The following COL28A1 variants were observed in gnomAD, a reference collection of about 807,000 sequenced individuals.
COL28A1 encodes the protein collagen type XXVIII alpha 1 chain.
In COL28A1, 161 loss-of-function variants were observed where a neutral mutation model predicts 150.2. That is an observed-to-expected ratio of 1.07 (90% CI 0.94 to 1.22). COL28A1 has a LOEUF of 1.22. COL28A1 is among the 50% of genes most tolerant of loss of function. The pLI is 0.00. For synonymous variants in COL28A1, 552 were observed against 469.7 expected, an observed-to-expected ratio of 1.18 and a Z score of -2.26; for missense variants, 1,617 against 1,388.3, an observed-to-expected ratio of 1.16 and a Z score of -2.62.
At chr7:7,483,630 G>C (rs17168170) in intron 13 of COL28A1, among the ~76,000 whole-genome samples, 5,796 of 152,004 alleles carry the variant, frequency 0.038, 405 homozygotes, top group African/African-American at 0.13. Context: ...CACAATTAAA[G>C]CCCAGCTGAA....
intron 27 of COL28A1, among the ~76,000 whole-genome samples, chr7:7,384,407 C>G (rs1298879836): frequency 6.6e-6 from 1 of 152,172 alleles, no homozygotes; most frequent in Non-Finnish European, 1.5e-5. Flanking sequence ...TTTATCTGTA[C>G]TTTCATTTCC....
intron 4 of COL28A1, among the ~76,000 whole-genome samples, chr7:7,523,170 T>C (rs536288831): frequency 1.2e-3 from 32 of 26,978 alleles, no homozygotes; most frequent in South Asian, 1.9e-3. Context: ...CTTTTCTTTT[T>C]TTTTTTTTAA....
intron 17 of COL28A1, among the ~76,000 whole-genome samples, chr7:7,452,836 T>C (rs1323782159): frequency 6.6e-6 from 1 of 152,168 alleles, no homozygotes; most frequent in Non-Finnish European, 1.5e-5. Context: ...ATTGAGCAGC[T>C]TCTCACACGG....
intron 33 of COL28A1, among the ~76,000 whole-genome samples, chr7:7,368,622 T>C (rs1314436681): frequency 6.6e-6 from 1 of 152,168 alleles, no homozygotes; most frequent in Non-Finnish European, 1.5e-5. Context: ...CCTTTATGAA[T>C]GGGATCAATA....
rs1436673855 is a variant in COL28A1, at chr7:7,373,765, C to A, written c.2360-219G>T. On this transcript the variant is annotated intron_variant, in intron 31 of 34. Transcript: ENST00000399429. This position sits in a 1 kb window ranked among gnomAD's most constrained non-coding sequence, Gnocchi z 4.1. ...CCAGGTTGGAGTGCAGTGGCGCGAT[C>A]TCGGCTCACTGCAGGCTCCGTCCCC... 6.6e-6 allele frequency among the ~76,000 whole-genome samples: 1 copy of A among 150,464 alleles called. No individual in the cohort carries two copies. The highest frequency in any genetic ancestry group is 2.4e-5 in the African/African-American group (1 of 40,858).
intron 5 of COL28A1, among the ~76,000 whole-genome samples, chr7:7,520,828 A>G (rs1433067249): frequency 6.6e-6 from 1 of 152,186 alleles, no homozygotes; most frequent in Non-Finnish European, 1.5e-5. Context: ...TACCCTGGCC[A>G]TCTCTTGGTG....
chr7:7,380,917 A>G, intron 28 of COL28A1, 55 bp from the exon 29 acceptor site: 1 of 1,486,558 alleles, frequency 6.7e-7, no homozygotes, highest in Non-Finnish European at 9.3e-7. Context: ...AAAGCCAGAT[A>G]AGAAAAGCTC....
intron 18 of COL28A1, among the ~76,000 whole-genome samples, chr7:7,444,905 G>A (rs753200380): frequency 1.6e-4 from 25 of 152,056 alleles, no homozygotes; most frequent in Non-Finnish European, 2.9e-4. Flanking sequence ...CTGGTAGGAG[G>A]TGATTGAGTT....
rs1292608803 is a variant in COL28A1, at chr7:7,517,809, T to C, written c.842A>G (p.Glu281Gly). The C allele has an allele frequency of 6.2e-7, 1 of 1,613,746 alleles. No individual in the cohort carries two copies. Among genetic ancestry groups the C allele is most frequent in the African/African-American group, 1.3e-5 (1 of 74,998 alleles). Residue 281 changes from glutamate (E) to glycine (G), a missense_variant, in exon 7 of 35, where the codon GAA (glutamate) becomes GGA (glycine). Transcript: ENST00000399429. ...TTGTGTACATACCCCTGGACCTCTTTCTCCAGCTTCTCCTTTTTGAGCGTT... is the reference window on the plus strand; with the variant it reads ...TTGTGTACATACCCCTGGACCTCTTCCTCCAGCTTCTCCTTTTTGAGCGTT... ...PGNAQKGEAGERGPGGIPGYK... is the reference protein window; with the variant it reads ...PGNAQKGEAGGRGPGGIPGYK...
intron 18 of COL28A1, 101 bp downstream of exon 18, chr7:7,452,218 T>C: frequency 6.6e-7 from 1 of 1,506,748 alleles, no homozygotes; most frequent in Non-Finnish European, 8.8e-7. Context: ...TATGTAGAGT[T>C]AGATAACACA....
intron 25 of COL28A1, among the ~76,000 whole-genome samples, chr7:7,425,085 T>C (rs1784585563): frequency 6.6e-6 from 1 of 151,654 alleles, no homozygotes; most frequent in Admixed American, 6.6e-5. Flanking sequence ...AAATAATAAA[T>C]AAAAATAATA....
intron 11 of COL28A1, among the ~76,000 whole-genome samples, chr7:7,499,823 C>A (rs766356250): frequency 6.6e-6 from 1 of 152,028 alleles, no homozygotes; most frequent in Non-Finnish European, 1.5e-5. Flanking sequence ...TAATTTTGAG[C>A]CAAACCAAGT....
chr7:7,447,365 G>T (rs77124401), intron 18 of COL28A1, among the ~76,000 whole-genome samples: 3,152 of 152,036 alleles, frequency 0.021, 88 homozygotes, highest in African/African-American at 0.065. Flanking sequence ...GACAGCTTGA[G>T]CCCAAGAATT....
intron 11 of COL28A1, among the ~76,000 whole-genome samples, chr7:7,503,573 GA>G (rs1780649854): frequency 6.6e-6 from 1 of 152,042 alleles, no homozygotes; most frequent in Admixed American, 6.6e-5. Flanking sequence ...CCAGATTGAG[GA>G]ACAAAAATAG....
At chr7:7,477,776 G>A (rs1035069873) in intron 13 of COL28A1, among the ~76,000 whole-genome samples, 3 of 152,110 alleles carry the variant, frequency 2.0e-5, no homozygotes, top group African/African-American at 4.8e-5. Context: ...GTATGGAAAC[G>A]GACCCCAGCA....
In COL28A1 at chr7:7,373,795, A is replaced by G. The variant is rs1308708095; in HGVS notation, c.2360-249T>C. ...CTCACTGCAGGCTCCGTCCCCTGGGATTCACGCCATTCTCCAGCCTCAGCC... is the reference window on the plus strand; with the variant it reads ...CTCACTGCAGGCTCCGTCCCCTGGGGTTCACGCCATTCTCCAGCCTCAGCC... On this transcript the variant is annotated intron_variant, in intron 31 of 34. Transcript: ENST00000399429. This position sits in a 1 kb window ranked among gnomAD's most constrained non-coding sequence, Gnocchi z 4.1. Among the ~76,000 whole-genome samples the G allele has an allele frequency of 1.3e-5, 2 of 150,212 alleles. No individual in the cohort carries two copies. The highest frequency in any genetic ancestry group is 2.1e-4 in the South Asian group (1 of 4,764).
chr7:7,410,944 A>G (rs964571376), intron 27 of COL28A1, among the ~76,000 whole-genome samples: 2 of 152,036 alleles, frequency 1.3e-5, no homozygotes, highest in African/African-American at 2.4e-5. Context: ...AATCGTTTCT[A>G]TTTGGCCTTC....
chr7:7,450,644 T>C (rs1309098348), intron 18 of COL28A1, among the ~76,000 whole-genome samples: 2 of 152,176 alleles, frequency 1.3e-5, no homozygotes, highest in African/African-American at 4.8e-5. Context: ...GCACGCTCTA[T>C]GATCTTCCCA....
At chr7:7,496,374 G>A (rs1263129176) in intron 11 of COL28A1, among the ~76,000 whole-genome samples, 1 of 152,148 alleles carries the variant, frequency 6.6e-6, no homozygotes, top group Non-Finnish European at 1.5e-5. Context: ...GCTGTGGGAG[G>A]TGAACAAAAC....
Sources: allele counts gnomAD v4.1 joint callset (sites outside exome capture counted in the v4.1 genomes callset), GRCh38; gene constraint gnomAD v4.1.1; non-coding constraint Gnocchi (gnomAD v3.1); transcripts MANE v1.5; gene names NCBI Gene and HGNC (gene_info 2026-07-23, HGNC 2026-07-21).